Variants in ERI3 observed in about 807,000 individuals in gnomAD.
ERI3 encodes ERI1 exoribonuclease 3.
In ERI3, 18 loss-of-function variants were observed where a neutral mutation model predicts 44.4. The ratio of observed to expected loss-of-function variants is 0.41; its 90% CI spans 0.28 to 0.60. The LOEUF (loss-of-function observed/expected upper bound fraction) is 0.60. Among genes scored for constraint, ERI3 ranks in the 20% least tolerant of loss-of-function variants. ERI3 has a pLI of 0.36. For synonymous variants in ERI3, 183 were observed against 164.8 expected (o/e 1.11, Z -0.84); for missense variants, 294 against 435.5 (o/e 0.68, Z 2.89).
At chr1:44,349,952 G>A (rs1315984899) in intron 2 of ERI3, among the ~76,000 whole-genome samples, 5 of 152,116 alleles carry the variant, frequency 3.3e-5, no homozygotes, top group Admixed American at 2.6e-4. Context: ...TTCATCAGAC[G>A]CTCACCAAAT....
At chr1:44,261,707 C>T (rs750094297) in intron 7 of ERI3, among the ~76,000 whole-genome samples, 42 of 152,254 alleles carry the variant, frequency 2.8e-4, no homozygotes, top group Non-Finnish European at 5.3e-4. Context: ...CCTGCCTGCA[C>T]TTTTGTTCAA....
intron 8 of ERI3, among the ~76,000 whole-genome samples, chr1:44,225,261 C>T (rs1557763225): frequency 6.6e-6 from 1 of 152,146 alleles, no homozygotes; most frequent in East Asian, 1.9e-4. Flanking sequence ...ACCTCACCTT[C>T]AAATTCTAGA....
At chr1:44,256,930 A>C (rs1485065857) in intron 7 of ERI3, 3 of 152,238 alleles carry the variant, frequency 2.0e-5, no homozygotes. Context: ...CCTGCAGAAG[A>C]GGGTGGCCTG....
chr1:44,255,205 C>T (rs184823463), intron 7 of ERI3, among the ~76,000 whole-genome samples: 19 of 152,298 alleles, frequency 1.2e-4, no homozygotes, highest in Admixed American at 1.0e-3. Context: ...CTGTTAACGA[C>T]CAACTTCTCA....
intron 5 of ERI3, 33 bp downstream of exon 5, chr1:44,313,136 C>G: frequency 6.2e-7 from 1 of 1,604,044 alleles, no homozygotes; most frequent in Non-Finnish European, 8.5e-7. Flanking sequence ...AGGAAGGGGT[C>G]AGAGGTCAGG....
chr1:44,242,484 T>A (rs1644460754), intron 8 of ERI3, among the ~76,000 whole-genome samples: 1 of 152,208 alleles, frequency 6.6e-6, no homozygotes, highest in Admixed American at 6.5e-5. Flanking sequence ...TTCCTTGCCT[T>A]GAGTGGGGGT....
chr1:44,291,899 A>G (rs1177398870), intron 6 of ERI3, among the ~76,000 whole-genome samples: 2 of 150,570 alleles, frequency 1.3e-5, no homozygotes, highest in Non-Finnish European at 1.5e-5. Context: ...AAGTCCCCTG[A>G]TGGTGGGGCA....
chr1:44,328,523 T>C (rs887930850), intron 3 of ERI3, among the ~76,000 whole-genome samples: 23 of 152,294 alleles, frequency 1.5e-4, no homozygotes, highest in African/African-American at 5.5e-4. Flanking sequence ...TGGTCCAGAC[T>C]ACAGCAGTGT....
At chr1:44,316,390 C>T (rs1208168887) in intron 4 of ERI3, among the ~76,000 whole-genome samples, 2 of 152,170 alleles carry the variant, frequency 1.3e-5, no homozygotes, top group Non-Finnish European at 2.9e-5. Context: ...ACTCAGAAAC[C>T]ACAAGGCAAG....
At chr1:44,275,356 G>C (rs1238255227) in intron 7 of ERI3, among the ~76,000 whole-genome samples, 1 of 152,154 alleles carries the variant, frequency 6.6e-6, no homozygotes, top group African/African-American at 2.4e-5. Flanking sequence ...CAGCCCACTT[G>C]CTGAAGCCTC....
chr1:44,317,384 A>G (rs1646112044), intron 4 of ERI3, among the ~76,000 whole-genome samples: 1 of 152,228 alleles, frequency 6.6e-6, no homozygotes, highest in African/African-American at 2.4e-5. Context: ...TCTCGGAGAT[A>G]CAATTCCATC....
rs186687300 is a variant in ERI3 at position 44,344,385 on chromosome 1, T to C, written c.212-5063A>G. ...ATCTCCCTGTAATGCCCACAGAAGGTAGGCTGCATGTTCTCTCTGGTAGAG... is the reference window on the plus strand; with the variant it reads ...ATCTCCCTGTAATGCCCACAGAAGGCAGGCTGCATGTTCTCTCTGGTAGAG... On this transcript the variant is annotated intron_variant, in intron 2 of 8. Transcript: ENST00000372257. Among the ~76,000 whole-genome samples the C allele has an allele frequency of 5.2e-4, 79 of 152,260 alleles. 1 individual carries two copies. The South Asian group carries it at 8.7e-3, about 17-fold the overall frequency.
intron 6 of ERI3, among the ~76,000 whole-genome samples, chr1:44,296,922 C>T (rs543831361): frequency 1.3e-5 from 2 of 152,340 alleles, no homozygotes; most frequent in African/African-American, 4.8e-5. Context: ...TCAGCCCCCA[C>T]ATGCACCGCT....
intron 4 of ERI3, among the ~76,000 whole-genome samples, chr1:44,314,671 G>A (rs948469702): frequency 6.6e-6 from 1 of 152,178 alleles, no homozygotes; most frequent in Admixed American, 6.5e-5. Flanking sequence ...GGGGGGCTGG[G>A]AGTGGGGAAG....
intron 8 of ERI3, among the ~76,000 whole-genome samples, chr1:44,233,926 T>G (rs1275140014): frequency 6.6e-6 from 1 of 152,152 alleles, no homozygotes; most frequent in African/African-American, 2.4e-5. Flanking sequence ...TAATGATCCC[T>G]ATGACTCATG....
chr1:44,352,347 G>C (rs771662759), intron 2 of ERI3, among the ~76,000 whole-genome samples: 6 of 152,184 alleles, frequency 3.9e-5, no homozygotes, highest in Non-Finnish European at 8.8e-5. Context: ...CTACTTGTGG[G>C]CAGGAGATCA....
rs1256262465 is a variant in ERI3 at position 44,284,031 on chromosome 1, G to C, written c.831+804C>G. ...CCTTTCTCTGAGCTTCCTCTGACTG[G>C]TAGCATGAGGTTCCTGAGGCTGTTC... On this transcript the variant is annotated intron_variant, in intron 7 of 8. Coordinates refer to ENST00000372257, the MANE Select transcript of ERI3 (RefSeq NM_024066.3). 8.5e-6 allele frequency: 4 copies of C among 471,022 alleles called. No homozygotes were observed. In the Admixed American group the frequency reaches 9.4e-5, roughly 11 times the overall value. 29.2% of individuals were successfully genotyped at this position (471,022 alleles called of 1,614,324 possible).
Position 44,249,874 on chromosome 1 carries a change from C to T in ERI3, c.832-1836G>A, listed in dbSNP as rs115290086. The stretch of plus-strand genomic sequence containing the variant: ...AATCACTTACAAAGGCCGGATTAAA[C>T]GATCAGAAATTCCATTTAATAGGAC... On this transcript the variant is annotated intron_variant, in intron 7 of 8. Transcript: ENST00000372257. Among the ~76,000 whole-genome samples the T allele has an allele frequency of 7.2e-3, 1,100 of 152,118 alleles. 8 individuals carry two copies. The highest frequency in any genetic ancestry group is 0.025 in the African/African-American group (1,022 of 41,494).
Position 44,354,932 on chromosome 1 carries a change from G to A in ERI3, c.95C>T (p.Pro32Leu). 1 of 1,332,220 alleles carries A rather than the reference G, an allele frequency of 7.5e-7. No individual in the cohort carries two copies. Among genetic ancestry groups the A allele is most frequent in the Non-Finnish European group, 9.7e-7 (1 of 1,033,174 alleles). 82.5% of individuals were successfully genotyped at this position (1,332,220 alleles called of 1,614,324 possible). A position where few individuals can be genotyped will look rare whatever the true frequency, so the allele number is the denominator to read the frequency against. ...CCAACTCGGGCCCATCCAAGTCCAGGGGAGAGTAAGGGGAGGGGCGGGGGG... is the reference window on the plus strand; with the variant it reads ...CCAACTCGGGCCCATCCAAGTCCAGAGGAGAGTAAGGGGAGGGGCGGGGGG... Reference protein sequence around the residue: ...SWPPAPPLTLPWTWMGPSWGQ... With the variant: ...SWPPAPPLTLLWTWMGPSWGQ... Residue 32 changes from proline to leucine, a missense_variant, in exon 1 of 9, where the codon CCC becomes CTC. Physicochemically the swap from Pro to Leu is moderately conservative, Grantham distance 98 (BLOSUM62 -3). Transcript: ENST00000372257.
Sources: gnomAD v4.1 joint callset for allele counts (sites outside exome capture counted in the v4.1 genomes callset) on GRCh38, gnomAD v4.1.1 for gene constraint, MANE v1.5 for transcripts, NCBI Gene and HGNC (gene_info 2026-07-23, HGNC 2026-07-21) for gene names.